OPRPN: variants seen among roughly 807,000 people sequenced by gnomAD.
OPRPN encodes the protein opiorphin prepropeptide.
In OPRPN, 1 loss-of-function variant was observed where a neutral mutation model predicts 2.2. That is an observed-to-expected ratio of 0.45 (90% CI 0.16 to 2.15). The LOEUF is 2.15. Among genes scored for constraint, OPRPN ranks in the 30% most tolerant of loss-of-function variants. The probability of loss-of-function intolerance (pLI) is 0.28; values close to 1 mark genes in which losing one functional copy is unlikely to be tolerated. For missense variants in OPRPN, 306 were observed against 297.3 expected, an observed-to-expected ratio of 1.03 and a Z score of -0.21; for synonymous variants, 126 against 111.5, an observed-to-expected ratio of 1.13 and a Z score of -0.82.
At chr4:70,399,205 A>C (rs923091903) in intron 1 of OPRPN, 66 bp from the exon 2 acceptor site, 53 of 1,202,158 alleles carry the variant, frequency 4.4e-5, no homozygotes, top group Non-Finnish European at 6.3e-5. Flanking sequence ...TGTTTTAAAA[A>C]ATTTTTTCTG....
At position 70,400,388 on chromosome 4, in the gene OPRPN, A is replaced by G. The variant is rs373325592; in HGVS notation, c.51+1052A>G. Among the ~76,000 whole-genome samples, 33 of 152,122 alleles carry G rather than the reference A, an allele frequency of 2.2e-4. No homozygotes were observed. In the South Asian group the frequency reaches 6.8e-3, roughly 32 times the overall value. ...TTTTTTGATATTTAATGACATCTGT[A>G]TTGTTCTGAAGCATATAGTGCTATG... is the stretch of plus-strand genomic sequence containing the variant. On this transcript the variant is annotated intron_variant, in intron 2 of 2. Transcript: ENST00000399575.
intron 2 of OPRPN, among the ~76,000 whole-genome samples, chr4:70,405,341 A>G (rs143055742): frequency 7.0e-4 from 107 of 152,270 alleles, no homozygotes; most frequent in Non-Finnish European, 2.5e-4. Flanking sequence ...GGGGTCAGCT[A>G]TTTGCTGTAA....
intron 2 of OPRPN, among the ~76,000 whole-genome samples, chr4:70,401,958 A>G (rs1732991932): frequency 6.6e-6 from 1 of 152,124 alleles, no homozygotes; most frequent in Admixed American, 6.6e-5. Context: ...ATCCTTAAGA[A>G]TAGGAAATAG....
chr4:70,399,422 C>A, intron 2 of OPRPN, 86 bp downstream of exon 2: 1 of 1,161,154 alleles, frequency 8.6e-7, no homozygotes, highest in South Asian at 1.3e-5. Context: ...GAATTTTGTC[C>A]TGTATATAAA....
intron 2 of OPRPN, among the ~76,000 whole-genome samples, chr4:70,404,994 C>G: frequency 6.6e-6 from 1 of 152,070 alleles, no homozygotes; most frequent in South Asian, 2.1e-4. Flanking sequence ...AATATTAAAG[C>G]TACCACTTAT....
chr4:70,400,861 T>C (rs980723865), intron 2 of OPRPN, among the ~76,000 whole-genome samples: 2 of 151,922 alleles, frequency 1.3e-5, no homozygotes, highest in Non-Finnish European at 2.9e-5. Context: ...TAAACACTAA[T>C]TCAGACTTTA....
chr4:70,401,137 CTT>C (rs1732977071), intron 2 of OPRPN, among the ~76,000 whole-genome samples: 1 of 151,948 alleles, frequency 6.6e-6, no homozygotes, highest in Non-Finnish European at 1.5e-5. Context: ...ACAAATGTAA[CTT>C]AAATTCTTTT....
intron 2 of OPRPN, among the ~76,000 whole-genome samples, chr4:70,401,397 T>C (rs1013745003): frequency 1.3e-5 from 2 of 152,096 alleles, no homozygotes; most frequent in African/African-American, 2.4e-5. Flanking sequence ...AAAGAAACTT[T>C]ATTGTACTTA....
intron 2 of OPRPN, among the ~76,000 whole-genome samples, chr4:70,405,418 C>A (rs552892643): frequency 4.1e-4 from 63 of 152,304 alleles, no homozygotes; most frequent in African/African-American, 1.4e-3. Context: ...CATTGAAGAT[C>A]ACTTTGAACT....
At chr4:70,398,823 T>G (rs935964684) in intron 1 of OPRPN, among the ~76,000 whole-genome samples, 1 of 151,810 alleles carries the variant, frequency 6.6e-6, no homozygotes, top group Non-Finnish European at 1.5e-5. Flanking sequence ...AACACAATAA[T>G]TGTATTAAGA....
intron 2 of OPRPN, among the ~76,000 whole-genome samples, chr4:70,404,066 T>G (rs926114177): frequency 6.6e-6 from 1 of 152,152 alleles, no homozygotes; most frequent in East Asian, 1.9e-4. Context: ...TCTGTACATC[T>G]TCACTTCTTT....
At chr4:70,399,067 T>TA (rs765086492) in intron 1 of OPRPN, among the ~76,000 whole-genome samples, 47 of 148,966 alleles carry the variant, frequency 3.2e-4, no homozygotes, top group South Asian at 1.7e-3. Flanking sequence ...GTACCACCAT[T>TA]AAAAAAAAAA....
In OPRPN at chr4:70,409,982, T is replaced by C. The variant is rs377152961; in HGVS notation, c.654T>C (p.Asn218=). 6.6e-5 allele frequency: 106 copies of C among 1,613,188 alleles called. No homozygotes were observed. The highest frequency in any genetic ancestry group is 8.5e-5 in the Non-Finnish European group (100 of 1,179,582). Residue 218 remains asparagine, a synonymous_variant, in exon 3 of 3, where the codon AAT becomes AAC. Transcript: ENST00000399575. The part of the protein sequence containing the change: ...LANRPHTVLL[N]ATVQVTTSNQ... ...ACCGTCCTCACACAGTATTGCTCAA[T>C]GCCACTGTCCAAGTTACGACTTCCA...
At chr4:70,399,244 T>A (rs1015703088) in intron 1 of OPRPN, 27 bp from the exon 2 acceptor site, 6 of 1,529,790 alleles carry the variant, frequency 3.9e-6, no homozygotes, top group Non-Finnish European at 5.4e-6. Flanking sequence ...TTTGGCTAAC[T>A]GTGGATAATC....
At position 70,409,849 on chromosome 4, in the gene OPRPN, C is replaced by A. The variant is rs780507864; in HGVS notation, c.521C>A (p.Thr174Lys). The A allele has an allele frequency of 4.3e-6, 7 of 1,612,598 alleles. No individual in the cohort carries two copies. The South Asian group carries it at 7.7e-5, about 18-fold the overall frequency. Reference protein sequence around the residue: ...TTSTSTKPTMTISSSTVPISS... With the variant: ...TTSTSTKPTMKISSSTVPISS... ...AGCACTTCCACAAAACCCACAATGA[C>A]GATCAGCTCCTCAACAGTACCTATC... The change falls in exon 3 of 3, where the codon ACG (threonine) becomes AAG (lysine). Residue 174 changes from threonine to lysine, a missense_variant. Coordinates refer to ENST00000399575, the MANE Select transcript of OPRPN (RefSeq NM_021225.5).
chr4:70,398,119 C>T (rs1409285006), intron 1 of OPRPN, 79 bp downstream of exon 1: 2 of 151,676 alleles, frequency 1.3e-5, no homozygotes, highest in Admixed American at 6.6e-5. Flanking sequence ...GAATATCATC[C>T]TCATGGCTTT....
rs746903761 is a variant in OPRPN, at chr4:70,406,509, T to TA, written c.52-2869dup. 2.0e-3 allele frequency among the ~76,000 whole-genome samples: 309 copies of TA among 152,374 alleles called. 3 individuals carry two copies. Among genetic ancestry groups the TA allele is most frequent in the Non-Finnish European group, 2.4e-3 (160 of 68,038 alleles). ...AAAGATATTTTCTGTACAATTCTTT[T>TA]AATTATCATATCAAATTATTGGGGG... On this transcript the variant is annotated intron_variant, in intron 2 of 2. Transcript: ENST00000399575.
rs756558577 is a variant in OPRPN, at chr4:70,409,411, C to A, written c.83C>A (p.Pro28Gln). 7 of 1,612,554 alleles carry A rather than the reference C, an allele frequency of 4.3e-6. No individual in the cohort carries two copies. In the East Asian group the frequency reaches 1.1e-4, roughly 26 times the overall value. Reference sequence around the variant, plus strand: ...GAGAGTCAAAGATTCTCCAGAAGACCATATCTACCTGGCCAGCTGCCACCA... The same window carrying A: ...GAGAGTCAAAGATTCTCCAGAAGACAATATCTACCTGGCCAGCTGCCACCA... ...PSESQRFSRR[P>Q]YLPGQLPPPP... The change falls in exon 3 of 3, where the codon CCA becomes CAA. Residue 28 changes from proline (P) to glutamine (Q), a missense_variant. Coordinates refer to ENST00000399575, the MANE Select transcript of OPRPN (RefSeq NM_021225.5).
intron 2 of OPRPN, 79 bp from the exon 3 acceptor site, chr4:70,409,301 C>A: frequency 9.5e-7 from 1 of 1,055,252 alleles, no homozygotes; most frequent in South Asian, 1.6e-5. Flanking sequence ...TATATTAATA[C>A]ATAGTATATC....
Sources: gnomAD v4.1 joint callset for allele counts (sites outside exome capture counted in the v4.1 genomes callset) on GRCh38, gnomAD v4.1.1 for gene constraint, MANE v1.5 for transcripts, NCBI Gene and HGNC (gene_info 2026-07-23, HGNC 2026-07-21) for gene names.